Variants in CRISP1 observed in about 807,000 individuals in gnomAD.
The protein encoded by CRISP1 is cysteine-rich secretory protein 1.
Under a neutral mutation model 33.1 loss-of-function variants are expected in CRISP1, and 44 were observed. That is an observed-to-expected ratio of 1.33 (90% CI 1.05 to 1.71). CRISP1 has a LOEUF of 1.71. Among genes scored for constraint, CRISP1 ranks in the 40% most tolerant of loss-of-function variants. CRISP1 has a pLI of 0.00. For synonymous variants in CRISP1, 103 were observed against 98.7 expected (o/e 1.04, Z -0.26); for missense variants, 390 against 301.2 (o/e 1.29, Z -2.18).
rs1008910503 is a variant in CRISP1 at position 49,838,782 on chromosome 6, A to G, written c.534-257T>C. On this transcript the variant is annotated intron_variant, in intron 6 of 7. Transcript: ENST00000335847. Reference sequence around the variant, plus strand: ...TCTCGTTGGACAGTCAAGTCCTAACAGTACTTGGGAACTTTGGGTACTCCC... The same window carrying G: ...TCTCGTTGGACAGTCAAGTCCTAACGGTACTTGGGAACTTTGGGTACTCCC... Among the ~76,000 whole-genome samples, 12 of 152,320 alleles carry G rather than the reference A, an allele frequency of 7.9e-5. No individual in the cohort carries two copies. In the Middle Eastern group the frequency reaches 0.01, roughly 130 times the overall value.
At chr6:49,870,126 GAT>G (rs1383053775), upstream of CRISP1, among the ~76,000 whole-genome samples, 1 of 152,088 alleles carries the variant, frequency 6.6e-6, no homozygotes, top group East Asian at 1.9e-4. Context: ...AAGAAAGAAA[GAT>G]AGACAAATAA....
At chr6:49,851,003 G>A (rs1341856598) in intron 3 of CRISP1, among the ~76,000 whole-genome samples, 1 of 152,036 alleles carries the variant, frequency 6.6e-6, no homozygotes, top group Non-Finnish European at 1.5e-5. Context: ...AATTTTATTG[G>A]GAGAAGGAAG....
At chr6:49,858,659 A>T (rs1445785514) in intron 1 of CRISP1, among the ~76,000 whole-genome samples, 1 of 152,144 alleles carries the variant, frequency 6.6e-6, no homozygotes, top group Non-Finnish European at 1.5e-5. Context: ...AAATGTTCAC[A>T]TAGCCTCACA....
At chr6:49,835,572 T>A in intron 7 of CRISP1, 129 bp from the exon 8 acceptor site, 1 of 838,854 alleles carries the variant, frequency 1.2e-6, no homozygotes, top group Admixed American at 2.9e-5. Flanking sequence ...TTAATTAGCA[T>A]AAGCTAACTA....
chr6:49,849,829 T>C (rs909882942), intron 3 of CRISP1, among the ~76,000 whole-genome samples: 16 of 152,152 alleles, frequency 1.1e-4, no homozygotes, highest in Non-Finnish European at 2.2e-4. Flanking sequence ...AAATAACTTA[T>C]TAGCCTAGCA....
rs748925679 is a variant in CRISP1 at position 49,835,274 on chromosome 6, T to A, written c.*42A>T. The stretch of plus-strand genomic sequence containing the variant: ...AGACATGAATCCAACAGACATCTCC[T>A]CCTCATCGTCACAGCATAGAACAGT... On this transcript the variant is annotated 3_prime_UTR_variant, in exon 8 of 8. Coordinates refer to ENST00000335847, the MANE Select transcript of CRISP1 (RefSeq NM_001131.3). 6.3e-7 allele frequency: 1 copy of A among 1,597,018 alleles called. No homozygotes were observed. The highest frequency in any genetic ancestry group is 1.7e-5 in the Admixed American group (1 of 58,236).
chr6:49,867,350 G>A (rs115989716), upstream of CRISP1, among the ~76,000 whole-genome samples: 860 of 152,054 alleles, frequency 5.7e-3, 7 homozygotes, highest in Middle Eastern at 0.02. Flanking sequence ...GTGCATGGTC[G>A]CTTATATTGA....
At chr6:49,848,163 T>G in intron 4 of CRISP1, 46 bp downstream of exon 4, 1 of 1,029,512 alleles carries the variant, frequency 9.7e-7, no homozygotes, top group Non-Finnish European at 1.4e-6. Context: ...TTTTACTATT[T>G]TTTTTTTTTT....
intron 4 of CRISP1, 127 bp downstream of exon 4, chr6:49,848,082 G>T: frequency 1.9e-6 from 1 of 533,476 alleles, no homozygotes; most frequent in South Asian, 3.1e-5. Context: ...TCACTGCCTT[G>T]TATGACCCAG....
At chr6:49,863,852 C>T (rs542085222) in intron 1 of CRISP1, among the ~76,000 whole-genome samples, 1 of 152,290 alleles carries the variant, frequency 6.6e-6, no homozygotes, top group Non-Finnish European at 1.5e-5. Context: ...ACAAGAAATA[C>T]ATCTTCTTTT....
At chr6:49,865,259 A>T (rs1294819280) in intron 1 of CRISP1, among the ~76,000 whole-genome samples, 1 of 152,168 alleles carries the variant, frequency 6.6e-6, no homozygotes, top group Non-Finnish European at 1.5e-5. Context: ...GATCATTTTT[A>T]TAAAAGAGAT....
At chr6:49,838,760 C>T (rs1031671228) in intron 6 of CRISP1, among the ~76,000 whole-genome samples, 5 of 152,118 alleles carry the variant, frequency 3.3e-5, no homozygotes, top group African/African-American at 7.2e-5. Context: ...GTGCACATCT[C>T]GTTGGACAGT....
rs561137805 is a variant in CRISP1, at chr6:49,844,767, C to G, written c.435+1753G>C. Among the ~76,000 whole-genome samples, 13 of 152,280 alleles carry G rather than the reference C, an allele frequency of 8.5e-5. No homozygotes were observed. In the South Asian group the frequency reaches 2.5e-3, roughly 29 times the overall value. On this transcript the variant is annotated intron_variant, in intron 5 of 7. Coordinates refer to ENST00000335847, the MANE Select transcript of CRISP1 (RefSeq NM_001131.3). Reference sequence around the variant, plus strand: ...TTTGCCTGGGACCCATTGCTGCTTCCTTTTCTATTTCTCTCTTTCGAAATG... The same window carrying G: ...TTTGCCTGGGACCCATTGCTGCTTCGTTTTCTATTTCTCTCTTTCGAAATG...
At chr6:49,869,228 C>T, upstream of CRISP1, among the ~76,000 whole-genome samples, 1 of 152,096 alleles carries the variant, frequency 6.6e-6, no homozygotes, top group East Asian at 1.9e-4. Flanking sequence ...GGCTTTCCTG[C>T]TTCCAAATTG....
chr6:49,856,126 G>A (rs1413902493), intron 2 of CRISP1, among the ~76,000 whole-genome samples: 4 of 152,058 alleles, frequency 2.6e-5, no homozygotes, highest in African/African-American at 9.7e-5. Flanking sequence ...TCCCTTGGAC[G>A]GGTAGGGTTC....
At chr6:49,872,088 C>T (rs1771936866) in intron 1 of CRISP1, among the ~76,000 whole-genome samples, 1 of 152,154 alleles carries the variant, frequency 6.6e-6, no homozygotes, top group Non-Finnish European at 1.5e-5. Context: ...TAATGATCAC[C>T]ATTCTAACTG....
chr6:49,868,100 C>T (rs978750449), upstream of CRISP1, among the ~76,000 whole-genome samples: 5 of 152,122 alleles, frequency 3.3e-5, no homozygotes, highest in African/African-American at 1.2e-4. Flanking sequence ...CTACCCAACA[C>T]AATGCTGTCT....
rs750276251 is a variant in CRISP1 at position 49,851,990 on chromosome 6, T to C, written c.195+11A>G. The C allele has an allele frequency of 1.2e-6, 2 of 1,602,066 alleles. No homozygotes were observed. The highest frequency in any genetic ancestry group is 3.5e-5 in the Admixed American group (2 of 57,006). ...ATTGCAATCATGGTTGTTGCTATTTTTTGATCTTACCATCTTCAGCATGTT... is the reference window on the plus strand; with the variant it reads ...ATTGCAATCATGGTTGTTGCTATTTCTTGATCTTACCATCTTCAGCATGTT... On this transcript the variant is annotated intron_variant, in intron 3 of 7. Transcript: ENST00000335847.
chr6:49,869,639 G>T (rs1357803090), upstream of CRISP1, among the ~76,000 whole-genome samples: 1 of 152,180 alleles, frequency 6.6e-6, no homozygotes, highest in African/African-American at 2.4e-5. Context: ...TTAACAGAAA[G>T]ATGTCAGTAT....
Sources: gnomAD v4.1 joint callset for allele counts (sites outside exome capture counted in the v4.1 genomes callset) on GRCh38, gnomAD v4.1.1 for gene constraint, MANE v1.5 for transcripts, NCBI Gene and HGNC (gene_info 2026-07-23, HGNC 2026-07-21) for gene names.